Variants in FBXW8 observed in about 807,000 individuals in gnomAD.
The protein encoded by FBXW8 is F-box/WD repeat-containing protein 8.
Under a neutral mutation model 65.3 loss-of-function variants are expected in FBXW8, and 57 were observed. The observed-to-expected ratio is 0.87, with a 90% confidence interval of 0.71 to 1.09. The LOEUF (loss-of-function observed/expected upper bound fraction) is 1.09. Among genes scored for constraint, FBXW8 ranks in the 50% least tolerant of loss-of-function variants. The pLI, the probability that FBXW8 is intolerant of heterozygous loss-of-function variation, is 0.00. For synonymous variants in FBXW8, 308 were observed against 330.2 expected, an observed-to-expected ratio of 0.93 and a Z score of 0.73; for missense variants, 777 against 814.8, an observed-to-expected ratio of 0.95 and a Z score of 0.57.
intron 8 of FBXW8, among the ~76,000 whole-genome samples, chr12:117,013,209 TC>T (rs1366839442): frequency 6.6e-6 from 1 of 151,640 alleles, no homozygotes; most frequent in Non-Finnish European, 1.5e-5. Flanking sequence ...ACCACTGCAC[TC>T]CAGCCTGGGT....
chr12:116,923,935 C>T (rs1403084601), intron 1 of FBXW8, among the ~76,000 whole-genome samples: 1 of 152,084 alleles, frequency 6.6e-6, no homozygotes, highest in Non-Finnish European at 1.5e-5. Context: ...GGATGATCTC[C>T]ATCTCCTGAC....
At chr12:117,024,016 T>G in intron 8 of FBXW8, 131 bp from the exon 9 acceptor site, 19 of 830,466 alleles carry the variant, frequency 2.3e-5, no homozygotes, top group Non-Finnish European at 3.1e-5. Context: ...TTATTATCGA[T>G]GTTTGTTTGC....
chr12:116,954,170 C>A (rs1029158413), intron 4 of FBXW8, among the ~76,000 whole-genome samples: 2 of 150,910 alleles, frequency 1.3e-5, no homozygotes, highest in Non-Finnish European at 2.9e-5. Context: ...TGTTTTGCAA[C>A]CGTGTTAGAA....
chr12:117,014,662 G>A (rs1953904876), intron 8 of FBXW8, among the ~76,000 whole-genome samples: 1 of 152,194 alleles, frequency 6.6e-6, no homozygotes, highest in Non-Finnish European at 1.5e-5. Context: ...CTTTGTGGGT[G>A]GTGACTCCAA....
intron 4 of FBXW8, among the ~76,000 whole-genome samples, chr12:116,960,683 C>T (rs541815473): frequency 9.2e-4 from 140 of 152,258 alleles, no homozygotes; most frequent in Non-Finnish European, 1.4e-3. Context: ...ACCCCTCAAG[C>T]CAGTCAGGTT....
At chr12:117,011,988 A>G (rs938721106) in intron 8 of FBXW8, among the ~76,000 whole-genome samples, 8 of 152,166 alleles carry the variant, frequency 5.3e-5, no homozygotes, top group African/African-American at 1.4e-4. Flanking sequence ...TAATCTAGAG[A>G]TGGTTTTTAA....
At chr12:116,928,151 C>T (rs761230198) in intron 2 of FBXW8, 24 bp downstream of exon 2, 1 of 1,415,630 alleles carries the variant, frequency 7.1e-7, no homozygotes, top group South Asian at 1.2e-5. Context: ...AACAGATGTT[C>T]CAGATTTTCC....
intron 8 of FBXW8, among the ~76,000 whole-genome samples, chr12:117,011,928 T>C (rs914381728): frequency 2.0e-5 from 3 of 152,224 alleles, no homozygotes; most frequent in Admixed American, 1.3e-4. Flanking sequence ...CCAAGTACTA[T>C]GTTGAATCAT....
intron 7 of FBXW8, among the ~76,000 whole-genome samples, chr12:117,005,538 C>T (rs779911703): frequency 7.2e-5 from 11 of 152,146 alleles, no homozygotes; most frequent in African/African-American, 2.2e-4. Context: ...CTGGAGTCAC[C>T]GCCTCCTCCC....
chr12:116,912,171 G>GTTT (rs57142470), intron 1 of FBXW8, among the ~76,000 whole-genome samples: 56 of 130,828 alleles, frequency 4.3e-4, no homozygotes, highest in Middle Eastern at 3.9e-3. Flanking sequence ...TTTTTTTCCT[G>GTTT]TTTTTTTTTT....
At chr12:116,914,078 C>T (rs979586069) in intron 1 of FBXW8, among the ~76,000 whole-genome samples, 1 of 152,090 alleles carries the variant, frequency 6.6e-6, no homozygotes, top group African/African-American at 2.4e-5. Context: ...CAAGACCAGC[C>T]TGGGCAACAT....
rs749015448 is a variant in FBXW8 at position 117,028,145 on chromosome 12, A to G, written c.1770A>G (p.Ala590=). 2 of 1,614,098 alleles carry G rather than the reference A, an allele frequency of 1.2e-6. No individual in the cohort carries two copies. Among genetic ancestry groups the G allele is most frequent in the Admixed American group, 3.3e-5 (2 of 60,024 alleles). ...DAMATHYYDL[A]LAFPYNHV ...TGGCCACTCACTACTACGACCTCGC[A>G]CTGGCCTTTCCCTATAACCATGTTT... Residue 590 remains alanine, a synonymous_variant, in exon 11 of 11, where the codon GCA becomes GCG. Transcript: ENST00000652555. The surrounding 1 kb of genome is among the most constrained non-coding windows in gnomAD (Gnocchi z 4.1).
intron 1 of FBXW8, among the ~76,000 whole-genome samples, chr12:116,919,381 A>G (rs984057227): frequency 1.2e-4 from 19 of 152,192 alleles, no homozygotes; most frequent in African/African-American, 4.6e-4. Flanking sequence ...TGCCTTGGGC[A>G]AGTTAATTTC....
At chr12:116,993,013 GA>G (rs1953285054) in intron 7 of FBXW8, among the ~76,000 whole-genome samples, 1 of 151,266 alleles carries the variant, frequency 6.6e-6, no homozygotes, top group Non-Finnish European at 1.5e-5. Flanking sequence ...GTTTTCCATA[GA>G]GATTGTGCTA....
Position 117,010,401 on chromosome 12 carries a change from C to T in FBXW8, c.1318C>T (p.Leu440Phe), listed in dbSNP as rs1330891782. The part of the protein sequence containing the change: ...NVLRDFTCVN[L>F]SDSPPNLMVS... ...TCTCCGTGACTTCACGTGTGTCAACCTCAGCGACAGCCCTCCCAACCTCAT... is the reference window on the plus strand; with the variant it reads ...TCTCCGTGACTTCACGTGTGTCAACTTCAGCGACAGCCCTCCCAACCTCAT... Residue 440 changes from leucine (L) to phenylalanine (F), a missense_variant, in exon 8 of 11, where the codon CTC (leucine) becomes TTC (phenylalanine). By Grantham distance (22) the Leu-to-Phe change is conservative (BLOSUM62 0). Coordinates refer to ENST00000652555, the MANE Select transcript of FBXW8 (RefSeq NM_153348.3). The T allele has an allele frequency of 6.2e-7, 1 of 1,614,110 alleles. No homozygotes were observed.
intron 3 of FBXW8, chr12:116,948,980 T>C (rs967118458): frequency 6.6e-6 from 1 of 152,550 alleles, no homozygotes; most frequent in African/African-American, 2.4e-5. Context: ...GTCTCAAAAC[T>C]TCTGAGCTCA....
rs1175677041 is a variant in FBXW8 at position 116,985,245 on chromosome 12, C to T, written c.875C>T (p.Pro292Leu). 10 of 1,613,336 alleles carry T rather than the reference C, an allele frequency of 6.2e-6. No homozygotes were observed. The highest frequency in any genetic ancestry group is 8.5e-6 in the Non-Finnish European group (10 of 1,179,898). ...NIWDLRTGKY[P>L]VHRFEHDARI... ...TGGGATTTAAGGACCGGAAAGTACC[C>T]TGTTCATCGTTTTGAGCACGATGCA... The change falls in exon 6 of 11, where the codon CCT becomes CTT. Residue 292 changes from proline to leucine, a missense_variant. By Grantham distance (98) the Pro-to-Leu change is moderately conservative. Coordinates refer to ENST00000652555, the MANE Select transcript of FBXW8 (RefSeq NM_153348.3).
chr12:117,017,207 T>C (rs1953973520), intron 8 of FBXW8, among the ~76,000 whole-genome samples: 1 of 152,254 alleles, frequency 6.6e-6, no homozygotes, highest in Non-Finnish European at 1.5e-5. Context: ...TGCCCTTTTC[T>C]TGGCATTATA....
intron 6 of FBXW8, among the ~76,000 whole-genome samples, chr12:116,987,954 T>C (rs1296767405): frequency 2.0e-5 from 3 of 152,202 alleles, no homozygotes; most frequent in African/African-American, 7.2e-5. Context: ...ACCTAACTCA[T>C]CTTGCATCCT....
Sources: allele counts gnomAD v4.1 joint callset (sites outside exome capture counted in the v4.1 genomes callset), GRCh38; gene constraint gnomAD v4.1.1; non-coding constraint Gnocchi (gnomAD v3.1); transcripts MANE v1.5; gene names NCBI Gene and HGNC (gene_info 2026-07-23, HGNC 2026-07-21).